Variants in UNC13A observed in about 807,000 individuals in gnomAD.
UNC13A encodes the protein unc-13 homolog A.
A neutral mutation model predicts 219.7 loss-of-function variants in UNC13A; 61 were observed. The ratio of observed to expected loss-of-function variants is 0.28; its 90% CI spans 0.23 to 0.34. The LOEUF (loss-of-function observed/expected upper bound fraction) is 0.34, where lower values mean the gene tolerates loss of function less well. UNC13A is among the 10% of genes least tolerant of loss of function. The pLI is 1.00. For missense variants in UNC13A, 1,476 were observed against 2,270.3 expected, an observed-to-expected ratio of 0.65 and a Z score of 7.11; for synonymous variants, 920 against 884.6, an observed-to-expected ratio of 1.04 and a Z score of -0.71.
chr19:17,652,799 G>A, intron 11 of UNC13A, 122 bp from the exon 12 acceptor site: 1 of 1,075,764 alleles, frequency 9.3e-7, no homozygotes, highest in Non-Finnish European at 1.4e-6. Context: ...CCTAGTCCTG[G>A]CTGAGTGATT....
chr19:17,680,398 G>A (rs1000272409), intron 1 of UNC13A, among the ~76,000 whole-genome samples: 1 of 152,206 alleles, frequency 6.6e-6, no homozygotes, highest in South Asian at 2.1e-4. Flanking sequence ...CGCGCGGAGG[G>A]CGTGGGAGGC....
rs1177481910 is a variant in UNC13A at position 17,672,584 on chromosome 19, G to C, written c.153-89C>G. On this transcript the variant is annotated intron_variant, in intron 3 of 43. Coordinates refer to ENST00000519716, the MANE Select transcript of UNC13A (RefSeq NM_001080421.3). ...TAGTTGATTCGCCTGAGAACACACAGCATACTGCAATTCAAACCTAGGCCT... is the reference window on the plus strand; with the variant it reads ...TAGTTGATTCGCCTGAGAACACACACCATACTGCAATTCAAACCTAGGCCT... 4 of 963,618 alleles carry C rather than the reference G, an allele frequency of 4.2e-6. No individual in the cohort carries two copies. The East Asian group carries it at 1.0e-4, about 25-fold the overall frequency. 59.7% of individuals were successfully genotyped at this position (963,618 alleles called of 1,614,324 possible). A position where few individuals can be genotyped will look rare whatever the true frequency, so the allele number is the denominator to read the frequency against.
chr19:17,617,072 C>T (rs1334478083), intron 41 of UNC13A, among the ~76,000 whole-genome samples: 2 of 152,102 alleles, frequency 1.3e-5, no homozygotes, highest in Non-Finnish European at 2.9e-5. Flanking sequence ...CTCCCGCCCT[C>T]GGAGCTGTCA....
rs995495140 is a variant in UNC13A at position 17,627,480 on chromosome 19, A to C, written c.3920+29T>G. ...GAGGGCTGAAGGCTGTTCCCTCCCC[A>C]CTGCCCCCAGCCCTGGAGATGCTCC... On this transcript the variant is annotated intron_variant, in intron 33 of 43. Transcript: ENST00000519716. This position sits in a 1 kb window ranked among gnomAD's most constrained non-coding sequence, Gnocchi z 4.7. The C allele has an allele frequency of 1.3e-5, 20 of 1,536,108 alleles. No individual in the cohort carries two copies. In the African/African-American group the frequency reaches 2.5e-4, roughly 19 times the overall value.
At chr19:17,635,284 A>G (rs1015689869) in intron 26 of UNC13A, among the ~76,000 whole-genome samples, 1 of 152,168 alleles carries the variant, frequency 6.6e-6, no homozygotes, top group African/African-American at 2.4e-5. Flanking sequence ...TACAGGCGTG[A>G]GCCACTGTGC....
Position 17,627,984 on chromosome 19 carries a change from C to T in UNC13A, c.3754-44G>A, listed in dbSNP as rs776382913. On this transcript the variant is annotated intron_variant, in intron 31 of 43. Transcript: ENST00000519716. This position sits in a 1 kb window ranked among gnomAD's most constrained non-coding sequence, Gnocchi z 4.7. ...AGGGGAGTCAAGCCTCAGGACCTCT[C>T]CCCAGAGCCTCCCCTACCCACCGCC... 4 of 1,544,704 alleles carry T rather than the reference C, an allele frequency of 2.6e-6. No individual in the cohort carries two copies. In the African/African-American group the frequency reaches 5.5e-5, roughly 21 times the overall value.
chr19:17,676,478 G>T (rs191705566), intron 1 of UNC13A, among the ~76,000 whole-genome samples: 5 of 152,298 alleles, frequency 3.3e-5, no homozygotes, highest in Admixed American at 2.6e-4. Flanking sequence ...TGGTGGGAGA[G>T]GCCTCCTACA....
At chr19:17,639,964 T>C in intron 22 of UNC13A, 56 bp from the exon 23 acceptor site, 1 of 1,561,270 alleles carries the variant, frequency 6.4e-7, no homozygotes, top group South Asian at 1.1e-5. Flanking sequence ...GCCGCCATAG[T>C]GGCTGAGCGC....
intron 41 of UNC13A, among the ~76,000 whole-genome samples, chr19:17,613,052 C>T (rs746578546): frequency 5.3e-5 from 8 of 151,852 alleles, no homozygotes; most frequent in Non-Finnish European, 4.4e-5. Context: ...GCCAACATGG[C>T]GAAACCCTGT....
At chr19:17,680,447 C>A (rs1007467959) in intron 1 of UNC13A, among the ~76,000 whole-genome samples, 4 of 152,200 alleles carry the variant, frequency 2.6e-5, no homozygotes, top group Non-Finnish European at 5.9e-5. Context: ...GGGGGGTGCC[C>A]ACTGCTGTCC....
intron 20 of UNC13A, among the ~76,000 whole-genome samples, chr19:17,642,518 G>T (rs2076981782): frequency 6.6e-6 from 1 of 152,174 alleles, no homozygotes. Flanking sequence ...GGGGATAAGA[G>T]TTCTTTCCAG....
Position 17,678,904 on chromosome 19 carries a change from A to T in UNC13A, c.23-2863T>A, listed in dbSNP as rs115281546. ...AAGGGAGAGGAGAGAGGAAGAAATG[A>T]TGGGCATGAAAGCAAGAGAGGAGAG... On this transcript the variant is annotated intron_variant, in intron 1 of 43. Coordinates refer to ENST00000519716, the MANE Select transcript of UNC13A (RefSeq NM_001080421.3). Among the ~76,000 whole-genome samples the T allele has an allele frequency of 5.1e-3, 769 of 152,224 alleles. 9 individuals carry two copies. Among genetic ancestry groups the T allele is most frequent in the African/African-American group, 0.018 (735 of 41,536 alleles).
intron 28 of UNC13A, among the ~76,000 whole-genome samples, chr19:17,631,202 C>CCCTTCCTTCCTT (rs1219861577): frequency 3.7e-5 from 2 of 53,444 alleles, no homozygotes; most frequent in East Asian, 3.5e-4. Flanking sequence ...CTCCCTCCCT[C>CCCTTCCTTCCTT]CCTTCCTTCC....
chr19:17,648,437 G>A lies in UNC13A; in HGVS notation c.1810C>T (p.Leu604=), dbSNP rs1042558830. The A allele has an allele frequency of 3.1e-6, 5 of 1,595,230 alleles. No individual in the cohort carries two copies. Among genetic ancestry groups the A allele is most frequent in the Non-Finnish European group, 4.3e-6 (5 of 1,174,970 alleles). Residue 604 remains leucine (L), a synonymous_variant, in exon 16 of 44, where the codon CTG becomes TTG. Coordinates refer to ENST00000519716, the MANE Select transcript of UNC13A (RefSeq NM_001080421.3). Reference sequence around the variant, plus strand: ...GCTCAGGCCCTGCGCTCACGCTGCAGGCAGTCGGCGTTGAGCAGGTCCTGG... The same window carrying A: ...GCTCAGGCCCTGCGCTCACGCTGCAAGCAGTCGGCGTTGAGCAGGTCCTGG... ...KCQDLLNADC[L]QRAAEKSSKH...
intron 1 of UNC13A, among the ~76,000 whole-genome samples, chr19:17,681,410 G>A (rs976069932): frequency 6.6e-6 from 1 of 152,110 alleles, no homozygotes; most frequent in Non-Finnish European, 1.5e-5. Flanking sequence ...TGTGATGTTG[G>A]TGGAGGGCAT....
At chr19:17,685,663 C>T (rs897719824) in intron 1 of UNC13A, among the ~76,000 whole-genome samples, 3 of 152,200 alleles carry the variant, frequency 2.0e-5, no homozygotes, top group Non-Finnish European at 4.4e-5. Context: ...CTTGTGTTCA[C>T]ACAGGCATTT....
In UNC13A at chr19:17,656,090, G is replaced by A; in HGVS notation, c.1076C>T (p.Ala359Val). 1 of 1,553,160 alleles carries A rather than the reference G, an allele frequency of 6.4e-7. No homozygotes were observed. The highest frequency in any genetic ancestry group is 1.2e-5 in the South Asian group (1 of 84,150). Reference protein sequence around the residue: ...EEVPDDLGSYAQREDVAVAEP... With the variant: ...EEVPDDLGSYVQREDVAVAEP... Reference sequence around the variant, plus strand: ...AGCCACAGCTACGTCTTCACGCTGGGCATAGCTGCCCAAATCGTCAGGCAC... The same window carrying A: ...AGCCACAGCTACGTCTTCACGCTGGACATAGCTGCCCAAATCGTCAGGCAC... Residue 359 changes from alanine (A) to valine (V), a missense_variant, in exon 10 of 44, where the codon GCC becomes GTC. Physicochemically the swap from Ala to Val is moderately conservative, Grantham distance 64. Transcript: ENST00000519716.
chr19:17,655,506 A>G (rs2067143906), intron 10 of UNC13A, 124 bp from the exon 11 acceptor site: 1 of 820,896 alleles, frequency 1.2e-6, no homozygotes, highest in Admixed American at 2.6e-5. Flanking sequence ...CAGAGACATT[A>G]GGACCCACGT....
Position 17,647,504 on chromosome 19 carries a change from C to G in UNC13A, c.1817-12G>C. On this transcript the variant is annotated splice_polypyrimidine_tract_variant and intron_variant, in intron 16 of 43. Transcript: ENST00000519716. ...CTTCTCCGCAGCCCCTGAGGACGCC[C>G]GAGGCCGGCGCTGACCCCAGCGCGC... The G allele has an allele frequency of 6.2e-7, 1 of 1,608,908 alleles. No homozygotes were observed. Among genetic ancestry groups the G allele is most frequent in the Non-Finnish European group, 8.5e-7 (1 of 1,179,100 alleles).
Sources: allele counts gnomAD v4.1 joint callset (sites outside exome capture counted in the v4.1 genomes callset), GRCh38; gene constraint gnomAD v4.1.1; non-coding constraint Gnocchi (gnomAD v3.1); transcripts MANE v1.5; gene names NCBI Gene and HGNC (gene_info 2026-07-23, HGNC 2026-07-21).